Variants in CTNNA2 observed in about 807,000 individuals in gnomAD.
The protein encoded by CTNNA2 is catenin alpha 2.
CTNNA2 carries 42 observed loss-of-function variants against 101.0 expected under a neutral mutation model. The observed-to-expected ratio is 0.42, with a 90% CI of 0.32 to 0.54. The LOEUF is 0.54. Among genes scored for constraint, CTNNA2 ranks in the 20% least tolerant of loss-of-function variants. The probability of loss-of-function intolerance (pLI) is 0.14; values close to 1 mark genes in which losing one functional copy is unlikely to be tolerated. For missense variants in CTNNA2, 871 were observed against 1,223.1 expected (o/e 0.71, Z 4.29); for synonymous variants, 450 against 456.4 (o/e 0.99, Z 0.18).
intron 7 of CTNNA2, among the ~76,000 whole-genome samples, chr2:80,320,435 T>G (rs1678565783): frequency 6.6e-6 from 1 of 152,184 alleles, no homozygotes; most frequent in South Asian, 2.1e-4. Context: ...TGTACCTATC[T>G]CTAGGATTGA....
chr2:79,354,294 A>G (rs953357177), intron 3 of CTNNA2, among the ~76,000 whole-genome samples: 1 of 151,980 alleles, frequency 6.6e-6, no homozygotes, highest in African/African-American at 2.4e-5. Context: ...TTCTCTCTCC[A>G]TCTCTCTCAG....
chr2:79,593,228 C>T (rs1676974913), intron 1 of CTNNA2, among the ~76,000 whole-genome samples: 1 of 152,158 alleles, frequency 6.6e-6, no homozygotes, highest in African/African-American at 2.4e-5. Context: ...CTCATTGGCA[C>T]TTCAATTCCA....
At chr2:79,490,021 C>T (rs1326508359) in intron 4 of CTNNA2, among the ~76,000 whole-genome samples, 1 of 152,164 alleles carries the variant, frequency 6.6e-6, no homozygotes, top group Non-Finnish European at 1.5e-5. Context: ...TATTCTAGGA[C>T]TGAAGCCCAG....
intron 2 of CTNNA2, among the ~76,000 whole-genome samples, chr2:79,725,762 A>G (rs1686798359): frequency 6.6e-6 from 1 of 152,114 alleles, no homozygotes. Context: ...GTTCCTTTCT[A>G]CAAAAACTTT....
intron 9 of CTNNA2, among the ~76,000 whole-genome samples, chr2:80,422,308 C>G (rs954977451): frequency 6.6e-6 from 1 of 152,138 alleles, no homozygotes; most frequent in African/African-American, 2.4e-5. Context: ...GGAAAACCAC[C>G]TCCACGATTC....
intron 7 of CTNNA2, among the ~76,000 whole-genome samples, chr2:80,269,579 T>C: frequency 6.6e-6 from 1 of 152,070 alleles, no homozygotes; most frequent in Non-Finnish European, 1.5e-5. Context: ...TCCTATATCA[T>C]TCAGAAAAAA....
chr2:79,973,292 C>T (rs1028635094), intron 7 of CTNNA2, among the ~76,000 whole-genome samples: 1 of 152,120 alleles, frequency 6.6e-6, no homozygotes, highest in Admixed American at 6.5e-5. Context: ...GCAGGGTAGG[C>T]ATGCAGGCTG....
rs147775968 is a variant in CTNNA2, at chr2:80,327,971, C to T, written c.1057-65240C>T. On this transcript the variant is annotated intron_variant, in intron 7 of 18. Coordinates refer to ENST00000402739, the MANE Select transcript of CTNNA2 (RefSeq NM_001282597.3). The stretch of plus-strand genomic sequence containing the variant: ...TTTTATGTTACTTTCTCTGTTTTCC[C>T]ACAATTCGGATGCCTGGAAATGTTG... 7.9e-5 allele frequency among the ~76,000 whole-genome samples: 12 copies of T among 152,218 alleles called. No individual in the cohort carries two copies. In the East Asian group the frequency reaches 2.3e-3, roughly 29 times the overall value.
At chr2:79,490,034 CATTCATCTGGT>C (rs771320997) in intron 4 of CTNNA2, among the ~76,000 whole-genome samples, 1 of 152,140 alleles carries the variant, frequency 6.6e-6, no homozygotes, top group Non-Finnish European at 1.5e-5. Context: ...AAGCCCAGCT[CATTCATCTGGT>C]GGCCTAGTTC....
chr2:79,624,287 T>C (rs980562380), intron 1 of CTNNA2, among the ~76,000 whole-genome samples: 3 of 152,098 alleles, frequency 2.0e-5, no homozygotes, highest in African/African-American at 7.2e-5. Context: ...TGCAAACAGC[T>C]GTAAATTTGG....
chr2:79,961,771 G>A (rs1008685907), intron 7 of CTNNA2, among the ~76,000 whole-genome samples: 2 of 145,038 alleles, frequency 1.4e-5, no homozygotes, highest in African/African-American at 2.6e-5. Context: ...GCGGTGAGCC[G>A]AGATCGTGCC....
At chr2:79,323,814 T>C (rs574815278) in intron 3 of CTNNA2, among the ~76,000 whole-genome samples, 2 of 152,300 alleles carry the variant, frequency 1.3e-5, no homozygotes, top group South Asian at 4.1e-4. Flanking sequence ...TAAAGGAAGA[T>C]AACAGGAAGA....
chr2:80,544,944 C>G (rs1422932053), intron 9 of CTNNA2, 38 bp from the exon 10 acceptor site: 1 of 1,571,116 alleles, frequency 6.4e-7, no homozygotes, highest in South Asian at 1.1e-5. Context: ...TTTCCCTTTG[C>G]CCCAACCTAA....
chr2:80,305,040 C>A (rs1324539391), intron 7 of CTNNA2: 5 of 981,424 alleles, frequency 5.1e-6, no homozygotes, highest in African/African-American at 1.8e-5. Flanking sequence ...GGGATATATT[C>A]TTTTCCCCTT....
intron 8 of CTNNA2, among the ~76,000 whole-genome samples, chr2:80,414,070 T>C (rs2149398607): frequency 6.6e-6 from 1 of 152,336 alleles, no homozygotes; most frequent in East Asian, 1.9e-4. Context: ...CTCAGACACA[T>C]AGCCAATTCT....
At chr2:79,364,726 AT>A (rs1273277147) in intron 3 of CTNNA2, among the ~76,000 whole-genome samples, 2 of 152,196 alleles carry the variant, frequency 1.3e-5, no homozygotes, top group African/African-American at 2.4e-5. Flanking sequence ...ATGTAGCCTC[AT>A]TCTCCATCAA....
intron 1 of CTNNA2, among the ~76,000 whole-genome samples, chr2:79,190,663 T>G (rs998408016): frequency 6.6e-6 from 1 of 152,054 alleles, no homozygotes; most frequent in Non-Finnish European, 1.5e-5. Flanking sequence ...CCACCAACCA[T>G]GTACCAAAGT....
chr2:79,326,314 A>T (rs1193120824), intron 3 of CTNNA2, among the ~76,000 whole-genome samples: 3 of 143,874 alleles, frequency 2.1e-5, no homozygotes, highest in South Asian at 4.4e-4. Flanking sequence ...AAAAAAAAAA[A>T]CCAGACATCT....
intron 1 of CTNNA2, among the ~76,000 whole-genome samples, chr2:79,647,604 T>C (rs912458234): frequency 2.2e-4 from 33 of 152,206 alleles, no homozygotes; most frequent in Admixed American, 8.5e-4. Context: ...TTTGCTGGTT[T>C]TGTCCACTGA....
Sources: allele counts gnomAD v4.1 joint callset (sites outside exome capture counted in the v4.1 genomes callset), GRCh38; gene constraint gnomAD v4.1.1; transcripts MANE v1.5; gene names NCBI Gene and HGNC (gene_info 2026-07-23, HGNC 2026-07-21).